The following ABCB1 variants were observed in gnomAD, a reference collection of about 807,000 sequenced individuals.
ABCB1 encodes ATP-dependent translocase ABCB1.
Under a neutral mutation model 142.0 loss-of-function variants are expected in ABCB1, and 69 were observed. That is an observed-to-expected ratio of 0.49 (90% CI 0.40 to 0.59). The LOEUF (loss-of-function observed/expected upper bound fraction) is 0.59, where lower values mean the gene tolerates loss of function less well. Ranked by LOEUF, ABCB1 falls within the 20% of genes least tolerant of loss-of-function variation. The probability of loss-of-function intolerance (pLI) is 0.00; values close to 1 mark genes in which losing one functional copy is unlikely to be tolerated. For synonymous variants in ABCB1, 532 were observed against 539.2 expected, an observed-to-expected ratio of 0.99 and a Z score of 0.18; for missense variants, 1,326 against 1,554.7, an observed-to-expected ratio of 0.85 and a Z score of 2.47.
chr7:87,584,469 A>G (rs574376221), intron 4 of ABCB1, among the ~76,000 whole-genome samples: 6 of 152,260 alleles, frequency 3.9e-5, no homozygotes, highest in African/African-American at 1.4e-4. Flanking sequence ...GCTCAGTTTA[A>G]ATCAATCTAG....
intron 1 of ABCB1, among the ~76,000 whole-genome samples, chr7:87,708,065 G>T (rs1001429864): frequency 2.0e-5 from 3 of 151,944 alleles, no homozygotes; most frequent in African/African-American, 7.3e-5. Context: ...AAGAATAGAG[G>T]CTGGAAATTG....
chr7:87,620,519 A>G (rs1820186954), intron 1 of ABCB1, among the ~76,000 whole-genome samples: 1 of 152,142 alleles, frequency 6.6e-6, no homozygotes, highest in Non-Finnish European at 1.5e-5. Context: ...TTTGCATTTG[A>G]ATCCGTTGCA....
At chr7:87,595,090 C>T (rs1819142091) in intron 3 of ABCB1, among the ~76,000 whole-genome samples, 2 of 152,016 alleles carry the variant, frequency 1.3e-5, no homozygotes, top group African/African-American at 4.8e-5. Flanking sequence ...GATCACAGCA[C>T]TGAGGTCATC....
At chr7:87,562,961 T>C (rs1817628943) in intron 7 of ABCB1, among the ~76,000 whole-genome samples, 1 of 152,038 alleles carries the variant, frequency 6.6e-6, no homozygotes, top group Non-Finnish European at 1.5e-5. Flanking sequence ...TAGCTGGACA[T>C]GGTAGTACAC....
intron 1 of ABCB1, among the ~76,000 whole-genome samples, chr7:87,600,428 G>T (rs28381803): frequency 6.6e-6 from 1 of 152,280 alleles, no homozygotes; most frequent in African/African-American, 2.4e-5. Flanking sequence ...TTTGCCCGCC[G>T]CCAGTGCGAT....
At chr7:87,599,808 A>G (rs953538452) in intron 2 of ABCB1, among the ~76,000 whole-genome samples, 3 of 152,192 alleles carry the variant, frequency 2.0e-5, no homozygotes, top group African/African-American at 7.2e-5. Context: ...TCCTTCAAAT[A>G]CCCGGACTTG....
intron 1 of ABCB1, among the ~76,000 whole-genome samples, chr7:87,710,296 G>A (rs1829956532): frequency 6.6e-6 from 1 of 152,120 alleles, no homozygotes; most frequent in East Asian, 1.9e-4. Context: ...TTCAAAAGAA[G>A]TCTCTAACCC....
At chr7:87,643,112 C>CA (rs1269546444) in intron 1 of ABCB1, among the ~76,000 whole-genome samples, 3 of 152,140 alleles carry the variant, frequency 2.0e-5, no homozygotes, top group Non-Finnish European at 4.4e-5. Context: ...GAGATGGGCT[C>CA]TTGCTTTGTT....
intron 1 of ABCB1, among the ~76,000 whole-genome samples, chr7:87,600,552 C>G (rs1354471315): frequency 6.6e-6 from 1 of 152,232 alleles, no homozygotes; most frequent in Non-Finnish European, 1.5e-5. Flanking sequence ...GCAACATGGT[C>G]CAGTGCCACT....
At chr7:87,540,357 C>T (rs1816484797) in intron 18 of ABCB1, among the ~76,000 whole-genome samples, 1 of 152,146 alleles carries the variant, frequency 6.6e-6, no homozygotes, top group Admixed American at 6.5e-5. Flanking sequence ...TACTTATGTG[C>T]CCAAGGACAC....
intron 1 of ABCB1, among the ~76,000 whole-genome samples, chr7:87,664,980 G>C (rs530080992): frequency 5.2e-4 from 79 of 152,138 alleles, no homozygotes; most frequent in African/African-American, 1.9e-3. Context: ...TATATAACAA[G>C]CACACAGTAA....
Position 87,504,363 on chromosome 7 carries a change from G to C in ABCB1, c.3723C>G (p.Asp1241Glu), listed in dbSNP as rs762504646. ...AHRLSTIQNADLIVVFQNGRV... is the reference protein window; with the variant it reads ...AHRLSTIQNAELIVVFQNGRV... ...TGCCATTCTGAAACACCACTATTAA[G>C]TCTGCATTCTGGATGGTGGACAGGC... The change falls in exon 28 of 28, where the codon GAC (aspartate) becomes GAG (glutamate). Residue 1241 changes from aspartate to glutamate, a missense_variant. Transcript: ENST00000622132. 22 of 1,614,108 alleles carry C rather than the reference G, an allele frequency of 1.4e-5. No homozygotes were observed. Among genetic ancestry groups the C allele is most frequent in the Non-Finnish European group, 2.5e-6 (3 of 1,179,994 alleles).
chr7:87,632,851 C>T (rs1301564877), intron 1 of ABCB1, among the ~76,000 whole-genome samples: 2 of 152,116 alleles, frequency 1.3e-5, no homozygotes, highest in East Asian at 3.8e-4. Flanking sequence ...CACATATAAA[C>T]ATTTCAGAAT....
At chr7:87,601,375 T>C (rs140872872), upstream of ABCB1, among the ~76,000 whole-genome samples, 4 of 152,336 alleles carry the variant, frequency 2.6e-5, no homozygotes, top group East Asian at 7.7e-4. Context: ...GTTCATCCTT[T>C]ATTTGATGAT....
In ABCB1 at chr7:87,531,427, A is replaced by T. The variant is rs1158620384; in HGVS notation, c.2552T>A (p.Phe851Tyr). The T allele has an allele frequency of 1.2e-6, 2 of 1,613,540 alleles. No homozygotes were observed. The highest frequency in any genetic ancestry group is 1.7e-6 in the Non-Finnish European group (2 of 1,179,708). Residue 851 changes from phenylalanine to tyrosine, a missense_variant, in exon 21 of 28, where the codon TTC (phenylalanine) becomes TAC (tyrosine). Phe to Tyr is a conservative substitution (Grantham distance 22). Coordinates refer to ENST00000622132, the MANE Select transcript of ABCB1 (RefSeq NM_001348946.2). Reference protein sequence around the residue: ...ANLGTGIIISFIYGWQLTLLL... With the variant: ...ANLGTGIIISYIYGWQLTLLL... ...CAGTGTTAGTTGCCAACCATAGATG[A>T]AGGATATAATTATTCCTGTCCCAAG...
rs1820486446 is a variant in ABCB1 at position 87,626,211 on chromosome 7, G to GTGTCACATATA, written c.-330-25134_-330-25133insTATATGTGACA. ...TGTGTCATATATATGTCATATATAT[G>GTGTCACATATA]TGTCATATATATGTCATATATATGT... On this transcript the variant is annotated intron_variant, in intron 1 of 28. Transcript: ENST00000265724. 4.0e-5 allele frequency among the ~76,000 whole-genome samples: 4 copies of GTGTCACATATA among 99,018 alleles called. 2 individuals carry two copies. The highest frequency in any genetic ancestry group is 1.4e-4 in the African/African-American group (4 of 28,148). 65.0% of individuals were successfully genotyped at this position (99,018 alleles called of 152,430 possible). A position where few individuals can be genotyped will look rare whatever the true frequency, so the allele number is the denominator to read the frequency against.
chr7:87,547,850 CAAAAAA>C (rs1210127693), intron 14 of ABCB1, among the ~76,000 whole-genome samples: 1 of 42,018 alleles, frequency 2.4e-5, no homozygotes, highest in Non-Finnish European at 4.1e-5. Context: ...GACTCCATCT[CAAAAAA>C]AAAAAAAAAA....
intron 1 of ABCB1, among the ~76,000 whole-genome samples, chr7:87,674,941 T>C (rs564580219): frequency 7.9e-4 from 121 of 152,322 alleles, no homozygotes; most frequent in Non-Finnish European, 1.1e-3. Context: ...TGTGCTCCAG[T>C]GCAGCTCTTC....
intron 21 of ABCB1, chr7:87,522,316 C>T (rs1280702130): frequency 2.6e-6 from 2 of 757,884 alleles, no homozygotes; most frequent in Non-Finnish European, 4.8e-6. Flanking sequence ...GCTCTGGCCC[C>T]TATGCTGGTA....
Sources: allele counts gnomAD v4.1 joint callset (sites outside exome capture counted in the v4.1 genomes callset), GRCh38; gene constraint gnomAD v4.1.1; transcripts MANE v1.5; gene names NCBI Gene and HGNC (gene_info 2026-07-23, HGNC 2026-07-21).